TSHZ1: variants seen among roughly 807,000 people sequenced by gnomAD.
The protein encoded by TSHZ1 is teashirt homolog 1.
A neutral mutation model predicts 67.1 loss-of-function variants in TSHZ1; 12 were observed. That is an observed-to-expected ratio of 0.18 (90% CI 0.11 to 0.29). The LOEUF (loss-of-function observed/expected upper bound fraction) is 0.29. Ranked by LOEUF, TSHZ1 falls within the 10% of genes least tolerant of loss-of-function variation. The probability of loss-of-function intolerance (pLI) is 1.00; values close to 1 mark genes in which losing one functional copy is unlikely to be tolerated. For synonymous variants in TSHZ1, 632 were observed against 622.4 expected, an observed-to-expected ratio of 1.02 and a Z score of -0.23; for missense variants, 1,305 against 1,413.9, an observed-to-expected ratio of 0.92 and a Z score of 1.23.
chr18:75,236,336 T>C (rs1410102075), intron 1 of TSHZ1, among the ~76,000 whole-genome samples: 1 of 152,084 alleles, frequency 6.6e-6, no homozygotes, highest in Non-Finnish European at 1.5e-5. Context: ...TCACACCACA[T>C]TGTAGCTGCG....
intron 1 of TSHZ1, among the ~76,000 whole-genome samples, chr18:75,213,099 T>G (rs941527043): frequency 2.0e-5 from 3 of 152,226 alleles, no homozygotes; most frequent in African/African-American, 2.4e-5. Context: ...TGTGCACGTG[T>G]TCAAGTCTTT....
chr18:75,212,902 G>T (rs558673183), intron 1 of TSHZ1, among the ~76,000 whole-genome samples: 3 of 152,160 alleles, frequency 2.0e-5, no homozygotes, highest in Non-Finnish European at 2.9e-5. Flanking sequence ...TGGACATTGC[G>T]TTTGTGGGGC....
Position 75,287,874 on chromosome 18 carries a change from A to G in TSHZ1, c.2467A>G (p.Ser823Gly). ...TKSKNKPLVSSVADSVASPLR... is the reference protein window; with the variant it reads ...TKSKNKPLVSGVADSVASPLR... The stretch of plus-strand genomic sequence containing the variant: ...GTCCAAGAACAAGCCGCTGGTGTCC[A>G]GCGTGGCTGATTCGGTGGCATCACC... Residue 823 changes from serine (S) to glycine (G), a missense_variant, in exon 2 of 2, where the codon AGC becomes GGC. Ser to Gly is a moderately conservative substitution (Grantham distance 56). Coordinates refer to ENST00000580243, the MANE Select transcript of TSHZ1 (RefSeq NM_001308210.2). This position sits in a 1 kb window ranked among gnomAD's most constrained non-coding sequence, Gnocchi z 5.0. 6.2e-7 allele frequency: 1 copy of G among 1,614,218 alleles called. No individual in the cohort carries two copies. Among genetic ancestry groups the G allele is most frequent in the East Asian group, 2.2e-5 (1 of 44,880 alleles).
chr18:75,288,263 G>A lies in TSHZ1; in HGVS notation c.2856G>A (p.Arg952=). 2 of 1,614,226 alleles carry A rather than the reference G, an allele frequency of 1.2e-6. No homozygotes were observed. Among genetic ancestry groups the A allele is most frequent in the Non-Finnish European group, 1.7e-6 (2 of 1,180,046 alleles). Residue 952 remains arginine, a synonymous_variant, in exon 2 of 2, where the codon AGG becomes AGA. Coordinates refer to ENST00000580243, the MANE Select transcript of TSHZ1 (RefSeq NM_001308210.2). This position sits in a 1 kb window ranked among gnomAD's most constrained non-coding sequence, Gnocchi z 4.9. ...TGGCCAATGTGAAGTACCAGTTGAG[G>A]AGGACAGGGGGAACGAAATTCCTAA... ...HWLANVKYQL[R]RTGGTKFLKN...
In TSHZ1 at chr18:75,281,003, CAGAT is replaced by C. The variant is rs140456422; in HGVS notation, c.41-4437_41-4434del. Among the ~76,000 whole-genome samples, 2,137 of 152,268 alleles carry C rather than the reference CAGAT, an allele frequency of 0.014. 16 individuals are homozygous for C. The highest frequency in any genetic ancestry group is 0.023 in the Non-Finnish European group (1,548 of 68,006). On this transcript the variant is annotated intron_variant, in intron 1 of 1. Coordinates refer to ENST00000580243, the MANE Select transcript of TSHZ1 (RefSeq NM_001308210.2). This position sits in a 1 kb window ranked among gnomAD's most constrained non-coding sequence, Gnocchi z 5.3. ...CTGCAGGGGAAGGGCTGCCTGGGAC[CAGAT>C]AGATAGAGCGGGCTGGGCACAGAGG...
At position 75,286,314 on chromosome 18, in the gene TSHZ1, G is replaced by C; in HGVS notation, c.907G>C (p.Ala303Pro). Residue 303 changes from alanine to proline, a missense_variant, in exon 2 of 2, where the codon GCC becomes CCC. Ala to Pro is a conservative substitution (Grantham distance 27, BLOSUM62 -1). This residue lies in a region of TSHZ1 where 38 missense variants were observed against 76.5 expected (regional missense o/e 0.50). Coordinates refer to ENST00000580243, the MANE Select transcript of TSHZ1 (RefSeq NM_001308210.2). This position sits in a 1 kb window ranked among gnomAD's most constrained non-coding sequence, Gnocchi z 5.1. ...GATGGAGATGGAGGGGAAGGAGGAT[G>C]CCCAGAAGGTGCTGAAGTGCATGTA... is the stretch of plus-strand genomic sequence containing the variant. ...SLMEMEGKED[A>P]QKVLKCMYCG... is the part of the protein sequence containing the mutation. 6.2e-7 allele frequency: 1 copy of C among 1,612,878 alleles called. No individual in the cohort carries two copies. Among genetic ancestry groups the C allele is most frequent in the Non-Finnish European group, 8.5e-7 (1 of 1,178,988 alleles).
chr18:75,234,864 G>A (rs1420835259), intron 1 of TSHZ1, among the ~76,000 whole-genome samples: 2 of 152,124 alleles, frequency 1.3e-5, no homozygotes, highest in African/African-American at 2.4e-5. Flanking sequence ...ATTTTAGATG[G>A]GTTTTACAAT....
At chr18:75,254,577 C>T (rs1282224409) in intron 1 of TSHZ1, among the ~76,000 whole-genome samples, 2 of 151,982 alleles carry the variant, frequency 1.3e-5, no homozygotes, top group Non-Finnish European at 2.9e-5. Flanking sequence ...TTCTAGGCTA[C>T]AGCAAATTAA....
At chr18:75,277,188 A>G (rs1161158352) in intron 1 of TSHZ1, among the ~76,000 whole-genome samples, 1 of 152,202 alleles carries the variant, frequency 6.6e-6, no homozygotes, top group Non-Finnish European at 1.5e-5. Flanking sequence ...CCATCTACAC[A>G]ACAATTAAGA....
intron 1 of TSHZ1, among the ~76,000 whole-genome samples, chr18:75,228,983 T>C (rs548786022): frequency 6.6e-6 from 1 of 152,376 alleles, no homozygotes; most frequent in Admixed American, 6.5e-5. Flanking sequence ...CTAAGGCGTT[T>C]TATTTGTTGC....
intron 1 of TSHZ1, among the ~76,000 whole-genome samples, chr18:75,223,762 T>C (rs922942416): frequency 6.6e-6 from 1 of 151,978 alleles, no homozygotes; most frequent in Non-Finnish European, 1.5e-5. Context: ...GGGAAAGCAG[T>C]AAAAATGAGC....
chr18:75,217,653 C>A (rs887717356), intron 1 of TSHZ1, among the ~76,000 whole-genome samples: 1 of 152,086 alleles, frequency 6.6e-6, no homozygotes, highest in Non-Finnish European at 1.5e-5. Context: ...CTTGCTAGAC[C>A]GCAACTTTAA....
chr18:75,245,015 C>T (rs936862412), intron 1 of TSHZ1, among the ~76,000 whole-genome samples: 11 of 152,164 alleles, frequency 7.2e-5, no homozygotes, highest in Non-Finnish European at 1.6e-4. Flanking sequence ...CCACATGCAC[C>T]ATCTTTCTCT....
intron 1 of TSHZ1, among the ~76,000 whole-genome samples, chr18:75,282,331 A>G (rs910521557): frequency 2.0e-5 from 3 of 152,140 alleles, no homozygotes; most frequent in South Asian, 2.1e-4. Flanking sequence ...CCGGACCCTC[A>G]TCCTTTGTGG....
At chr18:75,257,156 T>A (rs2023371306) in intron 1 of TSHZ1, among the ~76,000 whole-genome samples, 1 of 152,220 alleles carries the variant, frequency 6.6e-6, no homozygotes, top group Non-Finnish European at 1.5e-5. Context: ...TTTATCAAAT[T>A]GACCTTCAAT....
chr18:75,249,780 C>T lies in TSHZ1; in HGVS notation c.41-35668C>T, dbSNP rs556802750. Among the ~76,000 whole-genome samples, 4 of 149,688 alleles carry T rather than the reference C, an allele frequency of 2.7e-5. No homozygotes were observed. In the East Asian group the frequency reaches 6.0e-4, roughly 23 times the overall value. On this transcript the variant is annotated intron_variant, in intron 1 of 1. Transcript: ENST00000580243. ...GGTGGGGGGAGGTTACTTCCTCCTC[C>T]CTGCCTCACACCTGCAGTAGGTGGG...
In TSHZ1 at chr18:75,287,778, C is replaced by T; in HGVS notation, c.2371C>T (p.Pro791Ser). ...MLDKPVYPAT[P>S]VKQADAIDRY... ...GGACAAGCCGGTGTACCCCGCCACC[C>T]CTGTGAAGCAGGCCGATGCCATCGA... The change falls in exon 2 of 2, where the codon CCT (proline) becomes TCT (serine). Residue 791 changes from proline (P) to serine (S), a missense_variant. Coordinates refer to ENST00000580243, the MANE Select transcript of TSHZ1 (RefSeq NM_001308210.2). This position sits in a 1 kb window ranked among gnomAD's most constrained non-coding sequence, Gnocchi z 5.0. The T allele has an allele frequency of 8.1e-6, 13 of 1,614,208 alleles. No individual in the cohort carries two copies. The highest frequency in any genetic ancestry group is 1.1e-5 in the Non-Finnish European group (13 of 1,180,044).
At chr18:75,243,428 GA>G (rs1190299379) in intron 1 of TSHZ1, among the ~76,000 whole-genome samples, 2 of 152,080 alleles carry the variant, frequency 1.3e-5, no homozygotes, top group African/African-American at 4.8e-5. Context: ...CTCTCTTAAT[GA>G]AGTGGAAAGT....
At chr18:75,238,549 G>A (rs1178882147) in intron 1 of TSHZ1, among the ~76,000 whole-genome samples, 1 of 151,974 alleles carries the variant, frequency 6.6e-6, no homozygotes. Flanking sequence ...CCAAGGCAGG[G>A]ACCAGGCTCT....
Sources: allele counts gnomAD v4.1 joint callset (sites outside exome capture counted in the v4.1 genomes callset), GRCh38; gene constraint gnomAD v4.1.1; regional missense constraint gnomAD v4.1.1; non-coding constraint Gnocchi (gnomAD v3.1); transcripts MANE v1.5; gene names NCBI Gene and HGNC (gene_info 2026-07-23, HGNC 2026-07-21).